TIPRL: variants seen among roughly 807,000 people sequenced by gnomAD.
TIPRL encodes TIP41-like protein.
Under a neutral mutation model 32.3 loss-of-function variants are expected in TIPRL, and 10 were observed. That is an observed-to-expected ratio of 0.31 (90% CI 0.19 to 0.52). The LOEUF (loss-of-function observed/expected upper bound fraction) is 0.52, where lower values mean the gene tolerates loss of function less well. Ranked by LOEUF, TIPRL falls within the 20% of genes least tolerant of loss-of-function variation. TIPRL has a pLI of 0.96. For missense variants in TIPRL, 250 were observed against 328.1 expected, an observed-to-expected ratio of 0.76 and a Z score of 1.84; for synonymous variants, 100 against 114.0, an observed-to-expected ratio of 0.88 and a Z score of 0.78.
chr1:168,199,823 A>G, intron 6 of TIPRL, 80 bp from the exon 7 acceptor site: 1 of 1,461,910 alleles, frequency 6.8e-7, no homozygotes, highest in Non-Finnish European at 9.2e-7. Context: ...TCCATGCTTT[A>G]TGAATGCTTG....
intron 3 of TIPRL, among the ~76,000 whole-genome samples, chr1:168,188,684 A>G (rs377239374): frequency 6.6e-6 from 1 of 152,260 alleles, no homozygotes; most frequent in East Asian, 1.9e-4. Context: ...GGGCCTGCAG[A>G]TAAGAAGCTC....
Position 168,198,936 on chromosome 1 carries a change from G to T in TIPRL, c.630G>T (p.Met210Ile). 2 of 1,612,176 alleles carry T rather than the reference G, an allele frequency of 1.2e-6. No individual in the cohort carries two copies. The highest frequency in any genetic ancestry group is 1.7e-6 in the Non-Finnish European group (2 of 1,178,916). ...AAATACAGGCTGACAAGACCTACAT[G>T]TTACGAGAATATACGTCACGAGAAA... Reference protein sequence around the residue: ...RLYHEADKTYMLREYTSRESK... With the variant: ...RLYHEADKTYILREYTSRESK... Residue 210 changes from methionine to isoleucine, a missense_variant, in exon 6 of 7, where the codon ATG (methionine) becomes ATT (isoleucine). Transcript: ENST00000367833.
chr1:168,180,087 A>G (rs1046480799), intron 1 of TIPRL, among the ~76,000 whole-genome samples: 8 of 152,214 alleles, frequency 5.3e-5, no homozygotes, highest in African/African-American at 1.9e-4. Flanking sequence ...GAGCTGCATT[A>G]TCAGATGTAC....
At chr1:168,185,980 C>T (rs1280500188) in intron 3 of TIPRL, among the ~76,000 whole-genome samples, 1 of 127,514 alleles carries the variant, frequency 7.8e-6, no homozygotes, top group Admixed American at 8.6e-5. Context: ...GAGGCTGAGG[C>T]AGGAGAATTG....
intron 4 of TIPRL, chr1:168,192,530 C>A: frequency 2.1e-6 from 1 of 465,118 alleles, no homozygotes; most frequent in Non-Finnish European, 2.8e-6. Flanking sequence ...AGCTAAAATA[C>A]CACCTTTTCT....
At chr1:168,192,038 AGTTTATTT>A (rs1700104532) in intron 4 of TIPRL, among the ~76,000 whole-genome samples, 1 of 152,090 alleles carries the variant, frequency 6.6e-6, no homozygotes, top group Non-Finnish European at 1.5e-5. Context: ...GCCACCTTGT[AGTTTATTT>A]GTTTATTATT....
chr1:168,196,187 T>A (rs12069271), intron 4 of TIPRL, among the ~76,000 whole-genome samples: 5,580 of 152,314 alleles, frequency 0.037, 343 homozygotes, highest in African/African-American at 0.13. Context: ...ACTAGGTTGT[T>A]CTTTCATTTT....
At chr1:168,182,428 C>G (rs1483722687) in intron 1 of TIPRL, among the ~76,000 whole-genome samples, 1 of 152,130 alleles carries the variant, frequency 6.6e-6, no homozygotes, top group Non-Finnish European at 1.5e-5. Context: ...GAGTTCGAGA[C>G]CAGCCTGGCC....
rs1301672042 is a variant in TIPRL, at chr1:168,191,405, T to C, written c.421T>C (p.Leu141=). 3 of 1,534,648 alleles carry C rather than the reference T, an allele frequency of 2.0e-6. No individual in the cohort carries two copies. The highest frequency in any genetic ancestry group is 2.6e-5 in the South Asian group (2 of 75,954). ...PTTDHIDTEK[L]KAREQIKFFE... is the part of the protein sequence containing the mutation. ...AACAGATCATATAGATACAGAAAAA[T>C]TGAAAGCCAGAGAACAGATTAAGTT... Residue 141 remains leucine (L), a synonymous_variant, in exon 4 of 7, where the codon TTG becomes CTG. Coordinates refer to ENST00000367833, the MANE Select transcript of TIPRL (RefSeq NM_152902.5).
chr1:168,195,034 A>G (rs574462507), intron 4 of TIPRL, among the ~76,000 whole-genome samples: 141 of 152,350 alleles, frequency 9.3e-4, no homozygotes, highest in Non-Finnish European at 1.6e-3. Flanking sequence ...CTGAAGGACA[A>G]GTGAACATTA....
intron 1 of TIPRL, among the ~76,000 whole-genome samples, chr1:168,182,147 GA>G (rs1176930335): frequency 2.6e-5 from 4 of 151,742 alleles, no homozygotes; most frequent in Non-Finnish European, 4.4e-5. Context: ...ATTTTTCTGT[GA>G]TGCATTATCA....
chr1:168,181,658 C>T (rs1052416627), intron 1 of TIPRL, among the ~76,000 whole-genome samples: 3 of 151,562 alleles, frequency 2.0e-5, no homozygotes, highest in African/African-American at 7.3e-5. Flanking sequence ...CAAACTGGGG[C>T]CCCCATGTAA....
intron 3 of TIPRL, among the ~76,000 whole-genome samples, chr1:168,189,867 G>A (rs990039308): frequency 2.0e-5 from 3 of 152,120 alleles, no homozygotes; most frequent in Non-Finnish European, 4.4e-5. Context: ...GAACAAGTAC[G>A]TAAATGGAAA....
At chr1:168,195,980 A>G (rs1700148590) in intron 4 of TIPRL, among the ~76,000 whole-genome samples, 1 of 152,212 alleles carries the variant, frequency 6.6e-6, no homozygotes, top group South Asian at 2.1e-4. Context: ...GCCTATCATT[A>G]GTAGTTATAC....
chr1:168,184,530 A>C (rs748962317), intron 2 of TIPRL, among the ~76,000 whole-genome samples: 1 of 152,362 alleles, frequency 6.6e-6, no homozygotes. Flanking sequence ...GATGATACAA[A>C]TAAGTATAAA....
Position 168,183,956 on chromosome 1 carries a change from C to T in TIPRL, c.159C>T (p.Asn53=), listed in dbSNP as rs375424197. The T allele has an allele frequency of 7.4e-6, 12 of 1,613,930 alleles. No individual in the cohort carries two copies. In the African/African-American group the frequency reaches 1.2e-4, roughly 16 times the overall value. Residue 53 remains asparagine, a synonymous_variant, in exon 2 of 7, where the codon AAC becomes AAT. Transcript: ENST00000367833. The part of the protein sequence containing the change: ...PSLPEMMFGD[N]VLRIQHGSGF... Reference sequence around the variant, plus strand: ...TCCCTGAAATGATGTTTGGAGACAACGTTTTAAGAATCCAGCATGGGTCTG... The same window carrying T: ...TCCCTGAAATGATGTTTGGAGACAATGTTTTAAGAATCCAGCATGGGTCTG...
Position 168,192,155 on chromosome 1 carries a change from G to T in TIPRL, c.516+655G>T. 3 of 1,412,476 alleles carry T rather than the reference G, an allele frequency of 2.1e-6. No homozygotes were observed. In the South Asian group the frequency reaches 4.5e-5, roughly 21 times the overall value. The allele number at this position is 1,412,476 out of a possible 1,614,324, so 87.5% of individuals were successfully genotyped here. A position where few individuals can be genotyped will look rare whatever the true frequency, so the allele number is the denominator to read the frequency against. On this transcript the variant is annotated intron_variant, in intron 4 of 6. Transcript: ENST00000367833. ...CAAGGTGGATGTCATTTTTTAAAAT[G>T]ATCCATGTGTTATGATTTCAGTGCA...
At position 168,179,263 on chromosome 1, in the gene TIPRL, T is replaced by A; in HGVS notation, c.104+82T>A. 4.1e-6 allele frequency: 5 copies of A among 1,215,916 alleles called. No individual in the cohort carries two copies. The South Asian group carries it at 6.4e-5, about 16-fold the overall frequency. 75.3% of individuals were successfully genotyped at this position (1,215,916 alleles called of 1,614,324 possible). On this transcript the variant is annotated intron_variant, in intron 1 of 6. Transcript: ENST00000367833. Reference sequence around the variant, plus strand: ...GGCAGGGCGAACTCTGTGCAGCCCCTCCCCTTTTCCCTGAGGCGGAGGTTC... The same window carrying A: ...GGCAGGGCGAACTCTGTGCAGCCCCACCCCTTTTCCCTGAGGCGGAGGTTC...
At chr1:168,185,878 C>G (rs139991290) in intron 3 of TIPRL, among the ~76,000 whole-genome samples, 6,072 of 149,504 alleles carry the variant, frequency 0.041, 125 homozygotes, top group Middle Eastern at 0.073. Context: ...AGTTCAACAC[C>G]AGCCTGGTCA....
Sources: allele counts gnomAD v4.1 joint callset (sites outside exome capture counted in the v4.1 genomes callset), GRCh38; gene constraint gnomAD v4.1.1; transcripts MANE v1.5; gene names NCBI Gene and HGNC (gene_info 2026-07-23, HGNC 2026-07-21).